Variants in ADAMTSL1 observed in about 807,000 individuals in gnomAD.
ADAMTSL1 encodes the protein ADAMTS like 1.
ADAMTSL1 carries 126 observed loss-of-function variants against 201.8 expected under a neutral mutation model. That is an observed-to-expected ratio of 0.62 (90% CI 0.54 to 0.72). The LOEUF (loss-of-function observed/expected upper bound fraction) is 0.72. Among genes scored for constraint, ADAMTSL1 ranks in the 30% least tolerant of loss-of-function variants. ADAMTSL1 has a pLI of 0.00. For synonymous variants in ADAMTSL1, 1,121 were observed against 903.4 expected, an observed-to-expected ratio of 1.24 and a Z score of -4.32; for missense variants, 2,679 against 2,277.8, an observed-to-expected ratio of 1.18 and a Z score of -3.59.
At chr9:18,197,304 C>A (rs1166051404) in intron 2 of ADAMTSL1, among the ~76,000 whole-genome samples, 1 of 152,076 alleles carries the variant, frequency 6.6e-6, no homozygotes, top group Non-Finnish European at 1.5e-5. Context: ...ATTCTTCCAA[C>A]CCATGAGCAT....
intron 7 of ADAMTSL1, among the ~76,000 whole-genome samples, chr9:18,652,027 A>T (rs570241662): frequency 5.9e-5 from 9 of 152,242 alleles, no homozygotes; most frequent in Non-Finnish European, 1.3e-4. Context: ...ATAAAAGACT[A>T]GATAGACAGT....
chr9:18,729,859 A>G (rs1327973279), intron 15 of ADAMTSL1, among the ~76,000 whole-genome samples: 6 of 152,178 alleles, frequency 3.9e-5, no homozygotes, highest in Non-Finnish European at 7.3e-5. Flanking sequence ...GAGTTGATGT[A>G]TCTGTACCAG....
rs564282065 is a variant in ADAMTSL1 at position 18,122,388 on chromosome 9, G to A, written c.88-41474G>A. ...GATGGTAGAGTCAAGAGTTTAATAC[G>A]CTGAGGCAAGAAGGGTCAGTTAATC... is the stretch of plus-strand genomic sequence containing the variant. On this transcript the variant is annotated intron_variant, in intron 1 of 29. Transcript: ENST00000680146. Among the ~76,000 whole-genome samples, 8 of 152,252 alleles carry A rather than the reference G, an allele frequency of 5.3e-5. No homozygotes were observed. The East Asian group carries it at 1.4e-3, about 26-fold the overall frequency.
At chr9:18,581,432 G>C (rs1055811946) in intron 4 of ADAMTSL1, among the ~76,000 whole-genome samples, 5 of 152,184 alleles carry the variant, frequency 3.3e-5, no homozygotes, top group Non-Finnish European at 5.9e-5. Flanking sequence ...ACAGCCAGCT[G>C]TCTGGCTCCC....
In ADAMTSL1 at chr9:18,817,163, C is replaced by A; in HGVS notation, c.3860C>A (p.Ala1287Glu). The A allele has an allele frequency of 6.3e-7, 1 of 1,595,486 alleles. No individual in the cohort carries two copies. Among genetic ancestry groups the A allele is most frequent in the Non-Finnish European group, 8.5e-7 (1 of 1,170,674 alleles). The change falls in exon 21 of 29, where the codon GCA (alanine) becomes GAA (glutamate). Residue 1287 changes from alanine to glutamate, a missense_variant. By Grantham distance (107) the Ala-to-Glu change is moderately radical (BLOSUM62 -1). Transcript: ENST00000380548. ...RMTVINTEKP[A>E]VTVDIGSTIK... is the part of the protein sequence containing the mutation. ...ACAGTGATCAACACGGAGAAGCCTG[C>A]AGTCACAGTCGATATAGGAAGCACC...
chr9:18,044,812 T>C (rs994494877), intron 1 of ADAMTSL1, among the ~76,000 whole-genome samples: 7 of 152,186 alleles, frequency 4.6e-5, no homozygotes, highest in African/African-American at 1.7e-4. Flanking sequence ...ACACCTAGAA[T>C]ACAGATCAGT....
chr9:18,740,795 C>T (rs1040896316), intron 15 of ADAMTSL1, among the ~76,000 whole-genome samples: 12 of 152,058 alleles, frequency 7.9e-5, no homozygotes, highest in African/African-American at 2.9e-4. Context: ...CTTTCTAGTC[C>T]TGAGCATGGG....
At chr9:17,940,036 G>T (rs914159806) in intron 1 of ADAMTSL1, among the ~76,000 whole-genome samples, 2 of 151,982 alleles carry the variant, frequency 1.3e-5, no homozygotes, top group African/African-American at 2.4e-5. Context: ...GGGTGTATTG[G>T]GGGGAGGATG....
intron 1 of ADAMTSL1, among the ~76,000 whole-genome samples, chr9:17,987,309 T>C (rs1818968924): frequency 6.6e-6 from 1 of 152,148 alleles, no homozygotes; most frequent in African/African-American, 2.4e-5. Flanking sequence ...TTGTAATTAC[T>C]TTTGGAGGGC....
intron 1 of ADAMTSL1, among the ~76,000 whole-genome samples, chr9:18,051,980 A>T (rs1028073982): frequency 3.9e-5 from 6 of 152,244 alleles, no homozygotes; most frequent in Non-Finnish European, 7.3e-5. Flanking sequence ...TGGAGTAGTC[A>T]TTAACAAATT....
At chr9:18,730,431 T>C (rs563667343) in intron 15 of ADAMTSL1, among the ~76,000 whole-genome samples, 4 of 152,366 alleles carry the variant, frequency 2.6e-5, no homozygotes, top group African/African-American at 9.6e-5. Context: ...AAAATATTAT[T>C]CCTGTCATGG....
chr9:18,501,878 G>GT (rs1822862481), intron 1 of ADAMTSL1, among the ~76,000 whole-genome samples: 1 of 152,216 alleles, frequency 6.6e-6, no homozygotes, highest in Non-Finnish European at 1.5e-5. Context: ...AATATGTGTA[G>GT]TTGTGCTGAA....
chr9:18,039,724 C>A (rs972945695), intron 1 of ADAMTSL1, among the ~76,000 whole-genome samples: 6 of 152,162 alleles, frequency 3.9e-5, no homozygotes, highest in Non-Finnish European at 7.4e-5. Context: ...AGCATGCCTT[C>A]TTTCAGCCTG....
At chr9:18,719,556 A>T (rs1421215881) in intron 14 of ADAMTSL1, among the ~76,000 whole-genome samples, 1 of 152,016 alleles carries the variant, frequency 6.6e-6, no homozygotes, top group Non-Finnish European at 1.5e-5. Flanking sequence ...TGGAGACGGG[A>T]TTTCACCATT....
chr9:18,678,576 T>A (rs1282528025), intron 10 of ADAMTSL1, among the ~76,000 whole-genome samples: 2 of 152,132 alleles, frequency 1.3e-5, no homozygotes, highest in South Asian at 4.1e-4. Flanking sequence ...TACACTATGG[T>A]CAGGTCCAAG....
chr9:18,577,717 A>G (rs1413134653), intron 4 of ADAMTSL1, among the ~76,000 whole-genome samples: 1 of 152,216 alleles, frequency 6.6e-6, no homozygotes, highest in South Asian at 2.1e-4. Context: ...AAAATATATT[A>G]AACTAGTGGT....
At chr9:18,794,636 G>T (rs200493960) in intron 19 of ADAMTSL1, among the ~76,000 whole-genome samples, 14,850 of 104,394 alleles carry the variant, frequency 0.14, 1,045 homozygotes, top group African/African-American at 0.25. Context: ...GTTTTTTTTT[G>T]TTGTTGTTGT....
intron 24 of ADAMTSL1, 24 bp from the exon 25 acceptor site, chr9:18,889,544 A>C (rs758466831): frequency 6.2e-7 from 1 of 1,611,300 alleles, no homozygotes; most frequent in South Asian, 1.1e-5. Context: ...ATTCTTTTCT[A>C]CACTGCTCCT....
chr9:18,803,399 T>C (rs1356819017), intron 20 of ADAMTSL1, among the ~76,000 whole-genome samples: 1 of 152,208 alleles, frequency 6.6e-6, no homozygotes, highest in African/African-American at 2.4e-5. Context: ...CCAACTCTGA[T>C]ATTAAGAGCT....
Sources: allele counts gnomAD v4.1 joint callset (sites outside exome capture counted in the v4.1 genomes callset), GRCh38; gene constraint gnomAD v4.1.1; transcripts MANE v1.5; gene names NCBI Gene and HGNC (gene_info 2026-07-23, HGNC 2026-07-21).